MACROD2: variants seen among roughly 807,000 people sequenced by gnomAD.
MACROD2 encodes the protein mono-ADP ribosylhydrolase 2.
A neutral mutation model predicts 70.4 loss-of-function variants in MACROD2; 36 were observed. The observed-to-expected ratio is 0.51, with a 90% CI of 0.39 to 0.68. MACROD2 has a LOEUF of 0.68. Ranked by LOEUF, MACROD2 falls within the 30% of genes least tolerant of loss-of-function variation. The pLI is 0.00. For missense variants in MACROD2, 496 were observed against 538.4 expected, an observed-to-expected ratio of 0.92 and a Z score of 0.78; for synonymous variants, 172 against 178.8, an observed-to-expected ratio of 0.96 and a Z score of 0.30.
At chr20:15,442,118 A>T (rs1275243200) in intron 7 of MACROD2, among the ~76,000 whole-genome samples, 1 of 152,184 alleles carries the variant, frequency 6.6e-6, no homozygotes, top group Non-Finnish European at 1.5e-5. Flanking sequence ...TTGTGTCTAA[A>T]GGGTAAACGT....
intron 5 of MACROD2, among the ~76,000 whole-genome samples, chr20:14,710,244 C>T (rs1275291368): frequency 6.6e-6 from 1 of 151,926 alleles, no homozygotes; most frequent in African/African-American, 2.4e-5. Flanking sequence ...CCATAATCAA[C>T]AGGGAAACAC....
intron 10 of MACROD2, among the ~76,000 whole-genome samples, chr20:15,906,150 T>C (rs1194661467): frequency 6.6e-6 from 1 of 152,212 alleles, no homozygotes; most frequent in East Asian, 1.9e-4. Context: ...TGGAATGTTT[T>C]TGCTGAGTGC....
At chr20:14,580,094 G>C (rs1980909359) in intron 4 of MACROD2, among the ~76,000 whole-genome samples, 1 of 152,172 alleles carries the variant, frequency 6.6e-6, no homozygotes, top group African/African-American at 2.4e-5. Flanking sequence ...AAAGCAGGTT[G>C]ATTAGAGGTC....
chr20:15,587,774 T>G (rs1332084157), intron 8 of MACROD2, among the ~76,000 whole-genome samples: 3 of 152,132 alleles, frequency 2.0e-5, no homozygotes, highest in Admixed American at 6.5e-5. Context: ...ATGCAAGAGG[T>G]GGGTTCCCAT....
At chr20:14,162,606 A>G (rs920838961) in intron 3 of MACROD2, among the ~76,000 whole-genome samples, 9 of 152,114 alleles carry the variant, frequency 5.9e-5, no homozygotes, top group Non-Finnish European at 1.3e-4. Flanking sequence ...TCTCTTTATC[A>G]TTTTATAATG....
chr20:15,350,571 G>A (rs1022367251), intron 6 of MACROD2, among the ~76,000 whole-genome samples: 14 of 152,132 alleles, frequency 9.2e-5, no homozygotes, highest in African/African-American at 2.7e-4. Flanking sequence ...ATGGGATCAC[G>A]TATTAGGATT....
chr20:14,172,018 C>T (rs1377950416), intron 3 of MACROD2, among the ~76,000 whole-genome samples: 1 of 151,954 alleles, frequency 6.6e-6, no homozygotes, highest in African/African-American at 2.4e-5. Context: ...CGGGAGCTGC[C>T]GTGTTAGGTG....
At chr20:15,294,846 C>G (rs2077571973) in intron 6 of MACROD2, among the ~76,000 whole-genome samples, 1 of 152,116 alleles carries the variant, frequency 6.6e-6, no homozygotes, top group African/African-American at 2.4e-5. Context: ...AAAAAACAAA[C>G]AAAGAAACAA....
intron 8 of MACROD2, among the ~76,000 whole-genome samples, chr20:15,631,599 C>A (rs996085791): frequency 1.3e-5 from 2 of 152,106 alleles, no homozygotes; most frequent in African/African-American, 4.8e-5. Context: ...CTTTCTTGAA[C>A]CATTACAGTA....
At chr20:15,818,071 C>T (rs2063896932) in intron 8 of MACROD2, among the ~76,000 whole-genome samples, 1 of 152,096 alleles carries the variant, frequency 6.6e-6, no homozygotes, top group Non-Finnish European at 1.5e-5. Context: ...TTTGTCCCAC[C>T]CTGTGGTGGC....
At chr20:15,833,546 T>G (rs1266748209) in intron 8 of MACROD2, among the ~76,000 whole-genome samples, 1 of 152,202 alleles carries the variant, frequency 6.6e-6, no homozygotes, top group Non-Finnish European at 1.5e-5. Context: ...TAATTGTTCC[T>G]AATATGAAGG....
At chr20:14,686,357 A>G (rs767110145) in intron 5 of MACROD2, among the ~76,000 whole-genome samples, 1 of 152,192 alleles carries the variant, frequency 6.6e-6, no homozygotes, top group Non-Finnish European at 1.5e-5. Context: ...GTGATATTAT[A>G]CAATATTTTA....
chr20:15,536,745 G>A (rs184807488), intron 8 of MACROD2, among the ~76,000 whole-genome samples: 23 of 152,186 alleles, frequency 1.5e-4, no homozygotes, highest in Admixed American at 7.2e-4. Flanking sequence ...TCTTCGGTGC[G>A]TTTCTGGTGG....
intron 3 of MACROD2, among the ~76,000 whole-genome samples, chr20:14,348,010 C>T (rs2083081021): frequency 6.6e-6 from 1 of 152,028 alleles, no homozygotes; most frequent in South Asian, 2.1e-4. Flanking sequence ...ACCTGTAATC[C>T]CAGCATTTTG....
chr20:14,290,444 C>T (rs1476000664), intron 3 of MACROD2, among the ~76,000 whole-genome samples: 1 of 151,944 alleles, frequency 6.6e-6, no homozygotes, highest in African/African-American at 2.4e-5. Context: ...CCTGAGCACC[C>T]AGGCCACAGC....
intron 8 of MACROD2, among the ~76,000 whole-genome samples, chr20:15,619,292 A>G (rs1391496939): frequency 6.6e-6 from 1 of 152,222 alleles, no homozygotes; most frequent in African/African-American, 2.4e-5. Context: ...ACTATCAACT[A>G]TAAACTACGT....
chr20:14,759,793 G>A (rs2071990312), intron 5 of MACROD2, among the ~76,000 whole-genome samples: 1 of 152,078 alleles, frequency 6.6e-6, no homozygotes, highest in African/African-American at 2.4e-5. Context: ...TTAAAGGGAG[G>A]AGGATTTATT....
chr20:14,590,225 GA>G (rs1169974198), intron 4 of MACROD2, among the ~76,000 whole-genome samples: 1 of 152,098 alleles, frequency 6.6e-6, no homozygotes, highest in Non-Finnish European at 1.5e-5. Flanking sequence ...AAACACATAT[GA>G]ACTGGGACCA....
At chr20:14,013,196 A>G (rs1488245874) in intron 2 of MACROD2, among the ~76,000 whole-genome samples, 1 of 151,042 alleles carries the variant, frequency 6.6e-6, no homozygotes, top group Non-Finnish European at 1.5e-5. Context: ...ATGTTCCAAT[A>G]TATTTATTGA....
Sources: allele counts gnomAD v4.1 joint callset (sites outside exome capture counted in the v4.1 genomes callset), GRCh38; gene constraint gnomAD v4.1.1; transcripts MANE v1.5; gene names NCBI Gene and HGNC (gene_info 2026-07-23, HGNC 2026-07-21).